Variants in NEBL observed in about 807,000 individuals in gnomAD.
NEBL encodes nebulette.
A neutral mutation model predicts 140.2 loss-of-function variants in NEBL; 122 were observed. That is an observed-to-expected ratio of 0.87 (90% confidence interval 0.75 to 1.01). The LOEUF is 1.01. Among genes scored for constraint, NEBL ranks in the 50% least tolerant of loss-of-function variants. NEBL has a pLI of 0.00. For synonymous variants in NEBL, 436 were observed against 398.9 expected (o/e 1.09, Z -1.11); for missense variants, 1,365 against 1,231.3 (o/e 1.11, Z -1.62).
intron 4 of NEBL, among the ~76,000 whole-genome samples, chr10:20,920,695 A>G (rs1402116927): frequency 6.6e-6 from 1 of 152,206 alleles, no homozygotes; most frequent in Non-Finnish European, 1.5e-5. Context: ...AGAAATGGGG[A>G]AAAAAGTGAG....
intron 4 of NEBL, among the ~76,000 whole-genome samples, chr10:20,950,421 G>A (rs1835401015): frequency 6.6e-6 from 1 of 152,158 alleles, no homozygotes; most frequent in South Asian, 2.1e-4. Context: ...CTCTAACAAG[G>A]AGACGCCGGG....
chr10:20,976,342 A>G (rs1836797613), intron 3 of NEBL, among the ~76,000 whole-genome samples: 1 of 151,970 alleles, frequency 6.6e-6, no homozygotes, highest in African/African-American at 2.4e-5. Context: ...TATATTAAAA[A>G]AAAAAAAAAA....
chr10:20,813,745 G>A (rs1838405293), intron 23 of NEBL, 194 bp downstream of exon 23: 1 of 580,012 alleles, frequency 1.7e-6, no homozygotes, highest in African/African-American at 1.9e-5. Flanking sequence ...AAAAGTCACT[G>A]AGAAAAATCA....
chr10:21,102,204 AC>A (rs1837510320), intron 2 of NEBL, among the ~76,000 whole-genome samples: 1 of 152,226 alleles, frequency 6.6e-6, no homozygotes, highest in South Asian at 2.1e-4. Context: ...TAGGATTCTT[AC>A]CCAATGCACA....
chr10:21,070,934 T>C (rs528643509), intron 2 of NEBL, among the ~76,000 whole-genome samples: 2 of 152,134 alleles, frequency 1.3e-5, no homozygotes, highest in East Asian at 3.9e-4. Flanking sequence ...CCCAACACTT[T>C]GGGAGACTGA....
chr10:21,158,977 GT>G, intron 2 of NEBL, among the ~76,000 whole-genome samples: 1 of 152,158 alleles, frequency 6.6e-6, no homozygotes, highest in South Asian at 2.1e-4. Flanking sequence ...ACAAGCCATG[GT>G]TTTGAGCTTT....
chr10:21,283,135 C>CA (rs35005779), intron 1 of NEBL, among the ~76,000 whole-genome samples: 8,140 of 121,330 alleles, frequency 0.067, 315 homozygotes, highest in South Asian at 0.18. Flanking sequence ...GACTGTGTCT[C>CA]AAAAAAAAAA....
At chr10:20,836,834 A>G (rs1237456323) in intron 13 of NEBL, among the ~76,000 whole-genome samples, 2 of 152,088 alleles carry the variant, frequency 1.3e-5, no homozygotes, top group African/African-American at 4.8e-5. Context: ...CTAAATTTTC[A>G]TGGCCATGGG....
upstream of NEBL, among the ~76,000 whole-genome samples, chr10:21,178,643 T>G (rs1564537857): frequency 6.6e-6 from 1 of 152,216 alleles, no homozygotes; most frequent in African/African-American, 2.4e-5. Flanking sequence ...ATGCTGAAAA[T>G]TTAATTACAT....
Position 20,823,216 on chromosome 10 carries a change from T to G in NEBL, c.1954A>C (p.Ile652Leu), listed in dbSNP as rs200756166. The change falls in exon 19 of 28, where the codon ATC becomes CTC. Residue 652 changes from isoleucine to leucine, a missense_variant. Around this residue, in one of 2 missense-constraint regions of NEBL, gnomAD observed 1,323 missense variants for 1,154.8 expected, o/e 1.15. Transcript: ENST00000377122. ...TTAAGAAATATGATCACATTGCTGA[T>G]GTTCTTCTGGTTTTCTTTAACTCTC... The part of the protein sequence containing the change: ...LKRVKENQKN[I>L]SNLQYKEQNY... The G allele has an allele frequency of 2.1e-4, 331 of 1,601,832 alleles. 2 individuals carry two copies. The Middle Eastern group carries it at 4.5e-3, about 22-fold the overall frequency.
At chr10:21,068,933 T>C (rs67003579) in intron 2 of NEBL, among the ~76,000 whole-genome samples, 27,223 of 152,136 alleles carry the variant, frequency 0.18, 2,627 homozygotes, top group East Asian at 0.33. Context: ...TCACCCAGAC[T>C]ACAGTGTACA....
chr10:20,846,757 CA>C (rs936885103), intron 11 of NEBL, among the ~76,000 whole-genome samples: 1 of 151,296 alleles, frequency 6.6e-6, no homozygotes, highest in Non-Finnish European at 1.5e-5. Flanking sequence ...TAATTCACTT[CA>C]AAAAGCCCTT....
At chr10:20,917,405 T>C (rs958502869) in intron 4 of NEBL, among the ~76,000 whole-genome samples, 6 of 152,220 alleles carry the variant, frequency 3.9e-5, no homozygotes, top group East Asian at 1.9e-4. Context: ...TTCACTGATA[T>C]ACCCATTGGC....
chr10:20,897,075 G>C, intron 1 of NEBL, 46 bp from the exon 2 acceptor site: 1 of 1,599,660 alleles, frequency 6.3e-7, no homozygotes. Context: ...TTTTCTCATT[G>C]TCAATTTAGA....
intron 2 of NEBL, among the ~76,000 whole-genome samples, chr10:21,115,849 T>C (rs1030833354): frequency 6.6e-6 from 1 of 152,108 alleles, no homozygotes; most frequent in African/African-American, 2.4e-5. Flanking sequence ...AAGGTATGTT[T>C]CTTTCCTTCC....
At chr10:21,276,372 A>G (rs891341894) in intron 1 of NEBL, among the ~76,000 whole-genome samples, 5 of 152,134 alleles carry the variant, frequency 3.3e-5, no homozygotes, top group African/African-American at 1.2e-4. Flanking sequence ...GCTTCATCCC[A>G]CCACAACCCT....
chr10:20,885,004 G>A (rs945611165), intron 4 of NEBL, among the ~76,000 whole-genome samples: 3 of 152,168 alleles, frequency 2.0e-5, no homozygotes, highest in African/African-American at 7.2e-5. Flanking sequence ...TGTTCATCTA[G>A]CTAACTTTAT....
chr10:20,834,256 T>C (rs73607521), intron 14 of NEBL, among the ~76,000 whole-genome samples: 2,680 of 152,236 alleles, frequency 0.018, 79 homozygotes, highest in African/African-American at 0.061. Flanking sequence ...CATGTGTATG[T>C]TTATCTATAT....
intron 2 of NEBL, among the ~76,000 whole-genome samples, chr10:21,118,634 A>C (rs1473897792): frequency 2.6e-5 from 4 of 152,144 alleles, no homozygotes; most frequent in African/African-American, 4.8e-5. Context: ...GAAAAAAAAA[A>C]CTATTATTTG....
Sources: gnomAD v4.1 joint callset for allele counts (sites outside exome capture counted in the v4.1 genomes callset) on GRCh38, gnomAD v4.1.1 for gene constraint, gnomAD v4.1.1 regional missense constraint, MANE v1.5 for transcripts, NCBI Gene and HGNC (gene_info 2026-07-23, HGNC 2026-07-21) for gene names.